Variants in RIPOR2 observed in about 807,000 individuals in gnomAD.
RIPOR2 encodes the protein rho family-interacting cell polarization regulator 2.
In RIPOR2, 39 loss-of-function variants were observed where a neutral mutation model predicts 114.5. That is an observed-to-expected ratio of 0.34 (90% CI 0.26 to 0.44). RIPOR2 has a LOEUF of 0.44. RIPOR2 is among the 20% of genes least tolerant of loss of function. The pLI, the probability that RIPOR2 is intolerant of heterozygous loss-of-function variation, is 1.00. For missense variants in RIPOR2, 1,007 were observed against 1,255.1 expected (o/e 0.80, Z 2.99); for synonymous variants, 445 against 484.4 (o/e 0.92, Z 1.07).
chr6:24,837,373 G>C (rs1387764356), intron 14 of RIPOR2, among the ~76,000 whole-genome samples: 2 of 152,084 alleles, frequency 1.3e-5, no homozygotes, highest in African/African-American at 2.4e-5. Context: ...TCACCCTCCA[G>C]CTTCCCAAAG....
At chr6:24,930,782 G>A (rs1771327242) in intron 1 of RIPOR2, among the ~76,000 whole-genome samples, 1 of 152,228 alleles carries the variant, frequency 6.6e-6, no homozygotes, top group South Asian at 2.1e-4. Context: ...GGCAAATTGT[G>A]AAAGCAAAGA....
At chr6:24,896,229 C>T (rs898698547) in intron 1 of RIPOR2, among the ~76,000 whole-genome samples, 13 of 152,216 alleles carry the variant, frequency 8.5e-5, no homozygotes, top group Middle Eastern at 3.4e-3. Flanking sequence ...GTGGCTTTCA[C>T]GGGTTGCTTA....
chr6:24,869,109 C>T lies in RIPOR2; in HGVS notation c.486G>A (p.Glu162=), dbSNP rs1439199763. The change falls in exon 6 of 22, where the codon GAG becomes GAA. Residue 162 remains glutamate (E), a synonymous_variant. Transcript: ENST00000643898. ...TTTCAGTTACCTTACTTATATGAAA[C>T]TCCAGGCGTCTCATGTATCTTTCAA... is the stretch of plus-strand genomic sequence containing the variant. ...KTIERYMRRL[E]FHISKVDELY... The T allele has an allele frequency of 1.3e-6, 2 of 1,581,024 alleles. No homozygotes were observed. The highest frequency in any genetic ancestry group is 2.2e-5 in the East Asian group (1 of 44,716).
intron 1 of RIPOR2, among the ~76,000 whole-genome samples, chr6:25,004,517 CT>C (rs1443815896): frequency 6.6e-6 from 1 of 152,162 alleles, no homozygotes; most frequent in Non-Finnish European, 1.5e-5. Context: ...AGGTTTTCTC[CT>C]GCCAAGAAGG....
At chr6:24,999,641 C>T (rs1405513070) in intron 1 of RIPOR2, among the ~76,000 whole-genome samples, 3 of 151,712 alleles carry the variant, frequency 2.0e-5, no homozygotes, top group Non-Finnish European at 4.4e-5. Context: ...CTGCAAGCTC[C>T]ACCTCCCGGG....
intron 1 of RIPOR2, among the ~76,000 whole-genome samples, chr6:24,970,611 C>T (rs113569473): frequency 5.3e-5 from 8 of 152,008 alleles, no homozygotes; most frequent in East Asian, 3.9e-4. Flanking sequence ...TTATAGCCTC[C>T]GGGTTCACAT....
At chr6:25,024,287 G>C in intron 1 of RIPOR2, 2 of 1,533,068 alleles carry the variant, frequency 1.3e-6, no homozygotes, top group Non-Finnish European at 1.8e-6. Context: ...CAAACTCCCT[G>C]ATGACATCCT....
chr6:24,973,714 C>T (rs995948588), intron 1 of RIPOR2, among the ~76,000 whole-genome samples: 3 of 151,698 alleles, frequency 2.0e-5, no homozygotes, highest in African/African-American at 7.3e-5. Flanking sequence ...CAATGGTGGA[C>T]TGAATAAAGA....
intron 1 of RIPOR2, among the ~76,000 whole-genome samples, chr6:25,039,456 C>T (rs1027546443): frequency 4.6e-5 from 7 of 152,226 alleles, no homozygotes; most frequent in Non-Finnish European, 1.0e-4. Flanking sequence ...CCTCCTTAGG[C>T]ATTATGCCAA....
chr6:24,935,736 T>C, intron 1 of RIPOR2, 102 bp downstream of exon 1: 1 of 796,088 alleles, frequency 1.3e-6, no homozygotes, highest in Admixed American at 2.4e-5. Context: ...TTTTATCATT[T>C]CAAAATACTC....
intron 14 of RIPOR2, among the ~76,000 whole-genome samples, chr6:24,838,352 C>A (rs7751675): frequency 0.032 from 4,937 of 152,242 alleles, 173 homozygotes; most frequent in African/African-American, 0.088. Context: ...GGAAGCACAA[C>A]AAAACAAAGG....
At chr6:24,998,019 A>G (rs2113638526) in intron 1 of RIPOR2, among the ~76,000 whole-genome samples, 1 of 152,316 alleles carries the variant, frequency 6.6e-6, no homozygotes, top group South Asian at 2.1e-4. Context: ...TCTTAGGAAT[A>G]GAGCTTGATT....
At chr6:24,854,209 C>T (rs1763227231) in intron 8 of RIPOR2, among the ~76,000 whole-genome samples, 1 of 151,362 alleles carries the variant, frequency 6.6e-6, no homozygotes. Context: ...AGAAGGAGAT[C>T]TTTGCTTTTT....
intron 1 of RIPOR2, among the ~76,000 whole-genome samples, chr6:25,010,860 T>G (rs907876781): frequency 4.6e-5 from 7 of 152,276 alleles, no homozygotes; most frequent in African/African-American, 1.7e-4. Flanking sequence ...GAGGAGCATA[T>G]AGGTTATAGG....
At chr6:24,833,142 A>C (rs901251958) in intron 15 of RIPOR2, among the ~76,000 whole-genome samples, 1 of 152,218 alleles carries the variant, frequency 6.6e-6, no homozygotes, top group Non-Finnish European at 1.5e-5. Flanking sequence ...TCTGTGTCTC[A>C]GAGACCTGTC....
intron 1 of RIPOR2, among the ~76,000 whole-genome samples, chr6:24,890,416 C>T (rs1022268786): frequency 5.9e-5 from 9 of 152,158 alleles, no homozygotes; most frequent in Admixed American, 2.6e-4. Context: ...ACAAATACTG[C>T]ATGTTCTCAC....
At chr6:24,896,827 C>T (rs960127498) in intron 1 of RIPOR2, among the ~76,000 whole-genome samples, 1 of 152,108 alleles carries the variant, frequency 6.6e-6, no homozygotes, top group Non-Finnish European at 1.5e-5. Context: ...CACTTGAACC[C>T]GGGAGGCAGA....
intron 1 of RIPOR2, among the ~76,000 whole-genome samples, chr6:24,973,128 C>T (rs1229047063): frequency 3.3e-5 from 5 of 152,152 alleles, no homozygotes; most frequent in Admixed American, 6.5e-5. Flanking sequence ...TCTGAATAAA[C>T]ATTTCTCCAA....
intron 1 of RIPOR2, among the ~76,000 whole-genome samples, chr6:24,971,879 TGTCAAATTCTTCAACTATA>T (rs66530523): frequency 0.33 from 50,951 of 152,146 alleles, 9,050 homozygotes; most frequent in Non-Finnish European, 0.4. Flanking sequence ...TCTTGCCAAG[TGTCAAATTCTTCAACTATA>T]AAATGAGGAG....
Sources: gnomAD v4.1 joint callset for allele counts (sites outside exome capture counted in the v4.1 genomes callset) on GRCh38, gnomAD v4.1.1 for gene constraint, MANE v1.5 for transcripts, NCBI Gene and HGNC (gene_info 2026-07-23, HGNC 2026-07-21) for gene names.